FBXL17: variants seen among roughly 807,000 people sequenced by gnomAD.
FBXL17 encodes the protein F-box and leucine rich repeat protein 17.
A neutral mutation model predicts 66.2 loss-of-function variants in FBXL17; 22 were observed. That is an observed-to-expected ratio of 0.33 (90% CI 0.24 to 0.47). The LOEUF is 0.47. Among genes scored for constraint, FBXL17 ranks in the 20% least tolerant of loss-of-function variants. The pLI, the probability that FBXL17 is intolerant of heterozygous loss-of-function variation, is 1.00. For missense variants in FBXL17, 878 were observed against 948.2 expected, an observed-to-expected ratio of 0.93 and a Z score of 0.97; for synonymous variants, 474 against 400.5, an observed-to-expected ratio of 1.18 and a Z score of -2.19.
intron 8 of FBXL17, among the ~76,000 whole-genome samples, chr5:107,862,555 A>C (rs79187991): frequency 0.17 from 25,284 of 152,076 alleles, 2,266 homozygotes; most frequent in Middle Eastern, 0.28. Flanking sequence ...TATTTTTAAG[A>C]TGATTGCAGT....
intron 6 of FBXL17, among the ~76,000 whole-genome samples, chr5:108,048,578 G>A (rs1747349316): frequency 2.0e-5 from 3 of 152,212 alleles, no homozygotes; most frequent in Non-Finnish European, 1.5e-5. Context: ...TAGAGGAGCT[G>A]CTAACTAGAA....
intron 6 of FBXL17, among the ~76,000 whole-genome samples, chr5:108,121,799 C>T (rs901862169): frequency 6.6e-5 from 10 of 152,244 alleles, no homozygotes; most frequent in African/African-American, 2.4e-4. Context: ...CCTCGTGATC[C>T]GCCTGCCTTG....
chr5:107,980,546 G>C (rs760270843), intron 7 of FBXL17, among the ~76,000 whole-genome samples: 3 of 147,326 alleles, frequency 2.0e-5, no homozygotes, highest in Non-Finnish European at 4.5e-5. Context: ...ATGTTGCCCA[G>C]GTTGGTCTTG....
intron 6 of FBXL17, among the ~76,000 whole-genome samples, chr5:108,099,678 T>C (rs558511618): frequency 3.3e-5 from 5 of 152,286 alleles, no homozygotes; most frequent in African/African-American, 1.2e-4. Context: ...GGAGGACATA[T>C]TTCACATGGA....
intron 6 of FBXL17, among the ~76,000 whole-genome samples, chr5:108,040,651 T>G (rs1033400780): frequency 6.6e-6 from 1 of 152,240 alleles, no homozygotes; most frequent in African/African-American, 2.4e-5. Context: ...TAATCCTTTC[T>G]ACATAATTAT....
intron 5 of FBXL17, among the ~76,000 whole-genome samples, chr5:108,206,354 G>A (rs895092910): frequency 6.6e-6 from 1 of 152,012 alleles, no homozygotes. Flanking sequence ...TGACCAATGC[G>A]CTTTTCTTTA....
chr5:108,255,991 C>T (rs923854125), intron 4 of FBXL17, among the ~76,000 whole-genome samples: 2 of 152,134 alleles, frequency 1.3e-5, no homozygotes, highest in Non-Finnish European at 2.9e-5. Context: ...AAAGCCAATT[C>T]TGCAAATCAT....
chr5:107,934,498 T>C lies in FBXL17; in HGVS notation c.1823-53319A>G, dbSNP rs1377186457. 2.6e-5 allele frequency among the ~76,000 whole-genome samples: 4 copies of C among 152,184 alleles called. No individual in the cohort carries two copies. The East Asian group carries it at 7.7e-4, about 29-fold the overall frequency. On this transcript the variant is annotated intron_variant, in intron 7 of 8. Transcript: ENST00000542267. The stretch of plus-strand genomic sequence containing the variant: ...AACCTTTCTTTGAAGTACTATAATG[T>C]CACCAAAGGTGTTTTTTCTTTTTAA...
Position 108,381,660 on chromosome 5 carries a change from T to C in FBXL17, c.32A>G (p.Asn11Ser). ...GCGAGGCCTCTTCTGGCTCGGGCGGTTACGCGGCTCCTTCGAGAGAAGGTG... is the reference window on the plus strand; with the variant it reads ...GCGAGGCCTCTTCTGGCTCGGGCGGCTACGCGGCTCCTTCGAGAGAAGGTG... Reference protein sequence around the residue: MGHLLSKEPRNRPSQKRPRCC... With the variant: MGHLLSKEPRSRPSQKRPRCC... Residue 11 changes from asparagine (N) to serine (S), a missense_variant, in exon 1 of 9, where the codon AAC becomes AGC. Coordinates refer to ENST00000542267, the MANE Select transcript of FBXL17 (RefSeq NM_001163315.3). The C allele has an allele frequency of 6.8e-7, 1 of 1,474,134 alleles. No individual in the cohort carries two copies. Among genetic ancestry groups the C allele is most frequent in the Non-Finnish European group, 9.0e-7 (1 of 1,116,380 alleles). The allele number at this position is 1,474,134 out of a possible 1,614,324, so 91.3% of individuals were successfully genotyped here.
intron 4 of FBXL17, among the ~76,000 whole-genome samples, chr5:108,321,448 T>C (rs1359595751): frequency 6.6e-6 from 1 of 151,844 alleles, no homozygotes; most frequent in African/African-American, 2.4e-5. Flanking sequence ...GATCTTTCCA[T>C]ACTGTTTCAC....
intron 4 of FBXL17, among the ~76,000 whole-genome samples, chr5:108,228,743 C>G (rs1450262783): frequency 6.6e-6 from 1 of 152,096 alleles, no homozygotes; most frequent in Non-Finnish European, 1.5e-5. Flanking sequence ...AGTTTCTTCT[C>G]CTGGTTATCA....
At chr5:108,065,138 C>T (rs941055862) in intron 6 of FBXL17, among the ~76,000 whole-genome samples, 2 of 151,884 alleles carry the variant, frequency 1.3e-5, no homozygotes, top group African/African-American at 4.8e-5. Flanking sequence ...CAAATATATG[C>T]CATGTGTGTG....
chr5:108,101,398 A>G (rs1025623937), intron 6 of FBXL17, among the ~76,000 whole-genome samples: 2 of 152,136 alleles, frequency 1.3e-5, no homozygotes, highest in Non-Finnish European at 2.9e-5. Flanking sequence ...ACTATTCATT[A>G]CTCCCTGATG....
intron 4 of FBXL17, among the ~76,000 whole-genome samples, chr5:108,273,201 A>T (rs1324252543): frequency 1.3e-5 from 2 of 152,080 alleles, no homozygotes; most frequent in African/African-American, 4.8e-5. Flanking sequence ...GGACCATAGG[A>T]CCGAGGCGGG....
chr5:108,160,290 G>C (rs946860540), intron 6 of FBXL17, among the ~76,000 whole-genome samples: 1 of 152,126 alleles, frequency 6.6e-6, no homozygotes. Flanking sequence ...CTTAGAAAAC[G>C]GGTTACACAC....
chr5:108,369,584 T>C (rs1203259572), intron 1 of FBXL17, among the ~76,000 whole-genome samples: 1 of 151,822 alleles, frequency 6.6e-6, no homozygotes, highest in African/African-American at 2.4e-5. Flanking sequence ...GTATTCCATG[T>C]CAAAACACCA....
chr5:107,979,004 C>A (rs762242710), intron 7 of FBXL17, among the ~76,000 whole-genome samples: 1 of 152,130 alleles, frequency 6.6e-6, no homozygotes, highest in South Asian at 2.1e-4. Flanking sequence ...GAATCATTGT[C>A]AAGTTAACTT....
chr5:108,252,683 CA>C (rs1756407414), intron 4 of FBXL17, among the ~76,000 whole-genome samples: 1 of 152,052 alleles, frequency 6.6e-6, no homozygotes, highest in African/African-American at 2.4e-5. Context: ...GATACATGAA[CA>C]CATATAAGAC....
chr5:107,964,738 A>G (rs1752053714), intron 7 of FBXL17, among the ~76,000 whole-genome samples: 1 of 152,168 alleles, frequency 6.6e-6, no homozygotes, highest in Non-Finnish European at 1.5e-5. Flanking sequence ...CCAGGTATAC[A>G]AATCACAACT....
Sources: allele counts gnomAD v4.1 joint callset (sites outside exome capture counted in the v4.1 genomes callset), GRCh38; gene constraint gnomAD v4.1.1; transcripts MANE v1.5; gene names NCBI Gene and HGNC (gene_info 2026-07-23, HGNC 2026-07-21).